PTGER3: variants seen among roughly 807,000 people sequenced by gnomAD.
The protein encoded by PTGER3 is prostaglandin E receptor 3.
In PTGER3, 22 loss-of-function variants were observed where a neutral mutation model predicts 34.7. The ratio of observed to expected loss-of-function variants is 0.63; its 90% CI spans 0.45 to 0.91. The LOEUF (loss-of-function observed/expected upper bound fraction) is 0.91, where lower values mean the gene tolerates loss of function less well. Ranked by LOEUF, PTGER3 falls within the 40% of genes least tolerant of loss-of-function variation. PTGER3 has a pLI of 0.00. For missense variants in PTGER3, 468 were observed against 519.4 expected, an observed-to-expected ratio of 0.90 and a Z score of 0.96; for synonymous variants, 241 against 230.1, an observed-to-expected ratio of 1.05 and a Z score of -0.43.
chr1:70,924,929 A>G, intron 4 of PTGER3, among the ~76,000 whole-genome samples: 1 of 152,152 alleles, frequency 6.6e-6, no homozygotes, highest in Non-Finnish European at 1.5e-5. Context: ...AACTGAGACA[A>G]ATCTGGTATA....
intron 4 of PTGER3, chr1:70,865,572 T>C (rs532940118): frequency 1.7e-6 from 2 of 1,192,330 alleles, no homozygotes; most frequent in East Asian, 4.9e-5. Context: ...CACAAAAAGA[T>C]AGGTGGGACA....
At chr1:70,969,262 G>GTA (rs1367346923), downstream of PTGER3, among the ~76,000 whole-genome samples, 1 of 152,128 alleles carries the variant, frequency 6.6e-6, no homozygotes, top group East Asian at 1.9e-4. Context: ...CTCCCTGGAT[G>GTA]TAGACATTTT....
rs375987794 is a variant in PTGER3 at position 71,047,684 on chromosome 1, G to A, written c.-107C>T. The A allele has an allele frequency of 1.4e-5, 18 of 1,323,794 alleles. No homozygotes were observed. The highest frequency in any genetic ancestry group is 1.2e-4 in the African/African-American group (8 of 65,660). 82.0% of individuals were successfully genotyped at this position (1,323,794 alleles called of 1,614,324 possible). ...TCGGCGTTTACCGCGGCTGGGGCTGGGCTGCCCCCCATGGTGCGGGGCGCA... is the reference window on the plus strand; with the variant it reads ...TCGGCGTTTACCGCGGCTGGGGCTGAGCTGCCCCCCATGGTGCGGGGCGCA... On this transcript the variant is annotated 5_prime_UTR_variant, in exon 1 of 4. Transcript: ENST00000306666.
intron 2 of PTGER3, among the ~76,000 whole-genome samples, chr1:71,000,878 G>A (rs1464446823): frequency 2.0e-5 from 3 of 152,180 alleles, no homozygotes; most frequent in Non-Finnish European, 4.4e-5. Context: ...AACATTGAAT[G>A]TTGATTTAAT....
At chr1:71,010,198 T>C (rs1657320040) in intron 2 of PTGER3, 1 of 984,708 alleles carries the variant, frequency 1.0e-6, no homozygotes, top group African/African-American at 1.7e-5. Flanking sequence ...ATGTCCACTA[T>C]CATTTGGAAG....
intron 4 of PTGER3, among the ~76,000 whole-genome samples, chr1:70,865,037 A>G (rs1646010139): frequency 6.6e-6 from 1 of 152,182 alleles, no homozygotes; most frequent in Non-Finnish European, 1.5e-5. Context: ...TGTCATGTGG[A>G]AAGAGTGATA....
intron 1 of PTGER3, among the ~76,000 whole-genome samples, chr1:71,045,925 C>T (rs1039978674): frequency 6.6e-6 from 1 of 151,726 alleles, no homozygotes; most frequent in Non-Finnish European, 1.5e-5. Flanking sequence ...CTTTCAGAAG[C>T]TGCAGGAGGG....
rs184447725 is a variant in PTGER3 at position 70,870,270 on chromosome 1, G to T, written c.*24-17411C>A. Among the ~76,000 whole-genome samples the T allele has an allele frequency of 1.6e-3, 246 of 152,312 alleles. 1 individual carries two copies. Among genetic ancestry groups the T allele is most frequent in the Non-Finnish European group, 1.6e-3 (107 of 68,028 alleles). The stretch of plus-strand genomic sequence containing the variant: ...GAGCAGCCAGGATGCAAGGAGCATT[G>T]TCCTGAGGTTGTGCAGGGCAGCAGA... On this transcript the variant is annotated intron_variant, in intron 4 of 4. Transcript: ENST00000370931.
chr1:70,885,636 T>G (rs1466191463), intron 4 of PTGER3, among the ~76,000 whole-genome samples: 1 of 152,108 alleles, frequency 6.6e-6, no homozygotes, highest in Non-Finnish European at 1.5e-5. Context: ...AAGGATGAAT[T>G]TAGAAACTTT....
intron 4 of PTGER3, among the ~76,000 whole-genome samples, chr1:70,876,068 C>T (rs910167476): frequency 5.3e-5 from 8 of 152,096 alleles, no homozygotes; most frequent in African/African-American, 9.7e-5. Context: ...AGTGTATAAA[C>T]GTTTCCTTTT....
At chr1:71,022,501 T>C (rs1352666215) in intron 1 of PTGER3, among the ~76,000 whole-genome samples, 2 of 151,968 alleles carry the variant, frequency 1.3e-5, no homozygotes, top group African/African-American at 2.4e-5. Context: ...TAATCTGATA[T>C]GATACATTCT....
intron 1 of PTGER3, among the ~76,000 whole-genome samples, chr1:71,027,066 G>A (rs1293715597): frequency 6.6e-6 from 1 of 152,136 alleles, no homozygotes; most frequent in Admixed American, 6.6e-5. Context: ...ACCTTCTAGG[G>A]AGGACCTTAA....
At chr1:70,937,091 G>A (rs577940399) in intron 4 of PTGER3, among the ~76,000 whole-genome samples, 55 of 152,220 alleles carry the variant, frequency 3.6e-4, no homozygotes, top group African/African-American at 1.2e-3. Context: ...CAAGGTTGGC[G>A]CCATTTAAAG....
rs138467639 is a variant in PTGER3 at position 71,039,067 on chromosome 1, C to G, written c.897+7614G>C. ...GAGAGGCTGTGGGTGCTAGCAAGAC[C>G]CACATTTAACTCCAACACAGAGGAA... is the stretch of plus-strand genomic sequence containing the variant. On this transcript the variant is annotated intron_variant, in intron 1 of 3. Coordinates refer to ENST00000306666, the MANE Select transcript of PTGER3 (RefSeq NM_198719.2). Among the ~76,000 whole-genome samples, 34 of 152,240 alleles carry G rather than the reference C, an allele frequency of 2.2e-4. No homozygotes were observed. In the East Asian group the frequency reaches 6.4e-3, roughly 29 times the overall value.
downstream of PTGER3, among the ~76,000 whole-genome samples, chr1:70,966,191 A>G (rs1557694014): frequency 6.6e-6 from 1 of 152,176 alleles, no homozygotes; most frequent in Non-Finnish European, 1.5e-5. Context: ...CAGGCTATAT[A>G]TCTTCTGCAA....
chr1:70,989,928 C>T (rs1056680162), intron 2 of PTGER3, among the ~76,000 whole-genome samples: 1 of 150,330 alleles, frequency 6.7e-6, no homozygotes, highest in Non-Finnish European at 1.5e-5. Flanking sequence ...TATATTTTCA[C>T]ATATATACAT....
intron 4 of PTGER3, among the ~76,000 whole-genome samples, chr1:70,902,839 G>A (rs185797905): frequency 9.2e-5 from 14 of 152,302 alleles, no homozygotes; most frequent in African/African-American, 3.4e-4. Context: ...GTGAATCAGA[G>A]AGGGGGATAT....
At position 71,047,549 on chromosome 1, in the gene PTGER3, T is replaced by TC; in HGVS notation, c.28dup (p.Asp10GlyfsTer211). 1.3e-6 allele frequency: 2 copies of TC among 1,568,078 alleles called. No individual in the cohort carries two copies. The highest frequency in any genetic ancestry group is 1.7e-6 in the Non-Finnish European group (2 of 1,154,372). On this transcript the variant is annotated frameshift_variant, in exon 1 of 4. Coordinates refer to ENST00000306666, the MANE Select transcript of PTGER3 (RefSeq NM_198719.2). LOFTEE classifies it high-confidence loss of function. ...GTTGAGGCGGGTGCAGAAGGGGGCA[T>TC]CCCCTCCGTAGCCCCGGGTCTCCTT...
At chr1:70,879,671 A>G (rs1646346532) in intron 4 of PTGER3, among the ~76,000 whole-genome samples, 1 of 152,026 alleles carries the variant, frequency 6.6e-6, no homozygotes, top group South Asian at 2.1e-4. Flanking sequence ...TTTACTTTGA[A>G]TCTATGGGTG....
Sources: allele counts gnomAD v4.1 joint callset (sites outside exome capture counted in the v4.1 genomes callset), GRCh38; gene constraint gnomAD v4.1.1; transcripts MANE v1.5; gene names NCBI Gene and HGNC (gene_info 2026-07-23, HGNC 2026-07-21).